IL1RAPL1: variants seen among roughly 807,000 people sequenced by gnomAD.
IL1RAPL1 encodes the protein interleukin-1 receptor accessory protein-like 1.
IL1RAPL1 carries 3 observed loss-of-function variants against 48.4 expected under a neutral mutation model. That is an observed-to-expected ratio of 0.06 (90% CI 0.03 to 0.16). The LOEUF (loss-of-function observed/expected upper bound fraction) is 0.16. Among genes scored for constraint, IL1RAPL1 ranks in the 10% least tolerant of loss-of-function variants. The pLI, the probability that IL1RAPL1 is intolerant of heterozygous loss-of-function variation, is 1.00. For synonymous variants in IL1RAPL1, 185 were observed against 187.7 expected, an observed-to-expected ratio of 0.99 and a Z score of 0.12; for missense variants, 349 against 530.6, an observed-to-expected ratio of 0.66 and a Z score of 3.36.
chrX:29,684,762 C>T (rs1487073740), intron 6 of IL1RAPL1, among the ~76,000 whole-genome samples: 2 of 111,768 alleles, frequency 1.8e-5, no homozygotes, highest in East Asian at 2.8e-4. Context: ...CAAAAGTTAA[C>T]GTGAGAAAAG....
In IL1RAPL1 at chrX:29,633,468, TACAC is replaced by T. The variant is rs200222696; in HGVS notation, c.704-34930_704-34927del. Among the ~76,000 whole-genome samples, 699 of 97,702 alleles carry T rather than the reference TACAC, an allele frequency of 7.2e-3. 4 individuals are homozygous for T. The highest frequency in any genetic ancestry group is 0.026 in the Middle Eastern group (5 of 195). 84.8% of individuals were successfully genotyped at this position (97,702 alleles called of 115,157 possible). On this transcript the variant is annotated intron_variant, in intron 5 of 10. Coordinates refer to ENST00000378993, the MANE Select transcript of IL1RAPL1 (RefSeq NM_014271.4). ...TTGTGACAATTTATCGATATATATA[TACAC>T]ACACACACACACACACACACACACA...
intron 2 of IL1RAPL1, among the ~76,000 whole-genome samples, chrX:29,070,473 G>A (rs968092594): frequency 3.6e-5 from 4 of 111,665 alleles, no homozygotes; most frequent in Non-Finnish European, 5.6e-5. Context: ...ACACGGACCT[G>A]ACACAGGATG....
At chrX:29,676,609 A>G (rs1055143106) in intron 6 of IL1RAPL1, among the ~76,000 whole-genome samples, 1 of 111,885 alleles carries the variant, frequency 8.9e-6, no homozygotes, top group African/African-American at 3.2e-5. Flanking sequence ...AACTATCTCT[A>G]TTCTTATTTA....
intron 5 of IL1RAPL1, among the ~76,000 whole-genome samples, chrX:29,558,993 G>T (rs1008186081): frequency 8.9e-6 from 1 of 111,782 alleles, no homozygotes; most frequent in Non-Finnish European, 1.9e-5. Flanking sequence ...CTTGCTCAAG[G>T]TTATTATGGC....
chrX:29,845,561 T>C (rs1280051367), intron 6 of IL1RAPL1, among the ~76,000 whole-genome samples: 1 of 111,622 alleles, frequency 9.0e-6, no homozygotes, highest in African/African-American at 3.3e-5. Flanking sequence ...AACATGAAGG[T>C]TGAATTCTGG....
intron 2 of IL1RAPL1, among the ~76,000 whole-genome samples, chrX:29,043,799 G>C (rs1434581518): frequency 8.9e-6 from 1 of 111,769 alleles, no homozygotes. Context: ...TCAATGTGAC[G>C]TGCTTTGGCT....
At chrX:29,333,282 C>G (rs1369084426) in intron 3 of IL1RAPL1, among the ~76,000 whole-genome samples, 4 of 106,187 alleles carry the variant, frequency 3.8e-5, no homozygotes, top group African/African-American at 1.0e-4. Flanking sequence ...GGGGGGCTGA[C>G]CCCCCCCACC....
intron 2 of IL1RAPL1, among the ~76,000 whole-genome samples, chrX:29,182,290 G>A (rs981697125): frequency 7.2e-5 from 8 of 111,866 alleles, no homozygotes; most frequent in Admixed American, 1.9e-4. Flanking sequence ...TAACTCCTGG[G>A]CTTTTCCATT....
intron 6 of IL1RAPL1, among the ~76,000 whole-genome samples, chrX:29,850,295 G>T (rs779342183): frequency 2.4e-4 from 27 of 111,904 alleles, no homozygotes; most frequent in South Asian, 1.9e-3. Context: ...GCACTTTCTT[G>T]TCATAGCCCC....
At chrX:28,970,189 A>G (rs1299734724) in intron 2 of IL1RAPL1, among the ~76,000 whole-genome samples, 2 of 111,675 alleles carry the variant, frequency 1.8e-5, no homozygotes, top group African/African-American at 3.3e-5. Context: ...TGTAGTACAG[A>G]TGGGGTTTCA....
In IL1RAPL1 at chrX:28,934,040, T is replaced by C. The variant is rs1299913661; in HGVS notation, c.82+144615T>C. ...TGGCCAGCTTCTTTACTCCATCCTT[T>C]TCTGTCAGCAAGGTCTTTGTGACCT... On this transcript the variant is annotated intron_variant, in intron 2 of 10. Coordinates refer to ENST00000378993, the MANE Select transcript of IL1RAPL1 (RefSeq NM_014271.4). Among the ~76,000 whole-genome samples, 3 of 111,222 alleles carry C rather than the reference T, an allele frequency of 2.7e-5. No individual in the cohort carries two copies. In the Admixed American group the frequency reaches 2.9e-4, roughly 11 times the overall value.
intron 2 of IL1RAPL1, among the ~76,000 whole-genome samples, chrX:28,807,750 C>T (rs1936748661): frequency 9.0e-6 from 1 of 111,156 alleles, no homozygotes; most frequent in South Asian, 3.7e-4. Flanking sequence ...CCTATTCATC[C>T]TACATTTGAT....
intron 2 of IL1RAPL1, among the ~76,000 whole-genome samples, chrX:28,841,777 G>A (rs1231763048): frequency 9.0e-6 from 1 of 110,578 alleles, no homozygotes; most frequent in Non-Finnish European, 1.9e-5. Context: ...TCTGTATGGT[G>A]TATTTTATCC....
intron 1 of IL1RAPL1, among the ~76,000 whole-genome samples, chrX:28,731,640 A>G (rs780430347): frequency 2.7e-5 from 3 of 111,254 alleles, no homozygotes; most frequent in Admixed American, 9.7e-5. Flanking sequence ...AGACAGGCAA[A>G]GTCCTAGATC....
chrX:29,833,235 ACATGCATGTATGTAGTAGG>A (rs1287326523), intron 6 of IL1RAPL1, among the ~76,000 whole-genome samples: 2 of 112,020 alleles, frequency 1.8e-5, no homozygotes. Context: ...GCACACATGC[ACATGCATGTATGTAGTAGG>A]TATCAATAGA....
At chrX:29,331,373 C>G (rs1932884204) in intron 3 of IL1RAPL1, among the ~76,000 whole-genome samples, 1 of 110,161 alleles carries the variant, frequency 9.1e-6, no homozygotes, top group Non-Finnish European at 1.9e-5. Flanking sequence ...CCACATCACC[C>G]AACTGCAAAG....
intron 1 of IL1RAPL1, among the ~76,000 whole-genome samples, chrX:28,759,001 C>T (rs1936135357): frequency 8.9e-6 from 1 of 112,091 alleles, no homozygotes; most frequent in Admixed American, 9.5e-5. Flanking sequence ...CTTTGGGAGG[C>T]CGAGGAGGGC....
chrX:28,634,792 A>G (rs1307658653), intron 1 of IL1RAPL1, among the ~76,000 whole-genome samples: 1 of 109,969 alleles, frequency 9.1e-6, no homozygotes, highest in Non-Finnish European at 1.9e-5. Flanking sequence ...CTTTGGACTC[A>G]AACTTTCTGA....
intron 2 of IL1RAPL1, among the ~76,000 whole-genome samples, chrX:29,116,697 C>T (rs749987635): frequency 9.0e-6 from 1 of 111,352 alleles, no homozygotes. Context: ...GAAGTTAAGA[C>T]TGGGGAAATA....
Sources: gnomAD v4.1 joint callset for allele counts (sites outside exome capture counted in the v4.1 genomes callset) on GRCh38, gnomAD v4.1.1 for gene constraint, MANE v1.5 for transcripts, NCBI Gene and HGNC (gene_info 2026-07-23, HGNC 2026-07-21) for gene names.